The following DCLK1 variants were observed in gnomAD, a reference collection of about 807,000 sequenced individuals.
DCLK1 encodes the protein serine/threonine-protein kinase DCLK1.
In DCLK1, 16 loss-of-function variants were observed where a neutral mutation model predicts 86.2. That is an observed-to-expected ratio of 0.19 (90% CI 0.13 to 0.28). The LOEUF (loss-of-function observed/expected upper bound fraction) is 0.28, where lower values mean the gene tolerates loss of function less well. Among genes scored for constraint, DCLK1 ranks in the 10% least tolerant of loss-of-function variants. DCLK1 has a pLI of 1.00. For missense variants in DCLK1, 590 were observed against 940.2 expected (o/e 0.63, Z 4.87); for synonymous variants, 369 against 370.5 (o/e 1.00, Z 0.05).
intron 3 of DCLK1, among the ~76,000 whole-genome samples, chr13:36,092,995 G>C (rs1009000909): frequency 6.6e-6 from 1 of 152,102 alleles, no homozygotes; most frequent in Non-Finnish European, 1.5e-5. Flanking sequence ...GCTTTGGAGA[G>C]GAAAGTATTG....
At chr13:35,929,282 A>G (rs1251957129) in intron 4 of DCLK1, among the ~76,000 whole-genome samples, 1 of 152,232 alleles carries the variant, frequency 6.6e-6, no homozygotes, top group Admixed American at 6.5e-5. Context: ...TCAAGTGTGA[A>G]ACAAACAAAT....
At chr13:35,854,948 G>C (rs1870940515) in intron 5 of DCLK1, among the ~76,000 whole-genome samples, 1 of 152,178 alleles carries the variant, frequency 6.6e-6, no homozygotes, top group South Asian at 2.1e-4. Context: ...CTTCAGTTTA[G>C]CTACCTAGTA....
At chr13:35,982,585 C>T (rs1361706181) in intron 3 of DCLK1, among the ~76,000 whole-genome samples, 3 of 151,992 alleles carry the variant, frequency 2.0e-5, no homozygotes, top group Admixed American at 6.6e-5. Context: ...ACAATGTGAA[C>T]ATTAACAAAG....
chr13:36,084,881 T>C (rs558686005), intron 3 of DCLK1, among the ~76,000 whole-genome samples: 1 of 152,212 alleles, frequency 6.6e-6, no homozygotes. Context: ...AAAATTGTTA[T>C]ACCATTTTCA....
At chr13:36,062,757 G>A (rs1883600028) in intron 3 of DCLK1, among the ~76,000 whole-genome samples, 1 of 152,140 alleles carries the variant, frequency 6.6e-6, no homozygotes, top group African/African-American at 2.4e-5. Flanking sequence ...ACGGATAGGC[G>A]TCATTGTGGA....
At chr13:35,782,570 C>A (rs2086547887) in intron 16 of DCLK1, among the ~76,000 whole-genome samples, 1 of 152,160 alleles carries the variant, frequency 6.6e-6, no homozygotes, top group African/African-American at 2.4e-5. Context: ...TATTTTAGAG[C>A]ATCTCATATG....
At chr13:36,108,750 A>G (rs949983702) in intron 3 of DCLK1, among the ~76,000 whole-genome samples, 2 of 152,222 alleles carry the variant, frequency 1.3e-5, no homozygotes, top group Non-Finnish European at 2.9e-5. Flanking sequence ...TTTACTGGGC[A>G]CTGGAATTCC....
chr13:35,950,764 A>G (rs567333727), intron 3 of DCLK1, among the ~76,000 whole-genome samples: 1 of 152,158 alleles, frequency 6.6e-6, no homozygotes, highest in African/African-American at 2.4e-5. Flanking sequence ...GCACCTTTCC[A>G]AGCTTTTCTG....
intron 12 of DCLK1, among the ~76,000 whole-genome samples, chr13:35,809,555 G>A (rs536485361): frequency 6.6e-5 from 10 of 152,260 alleles, no homozygotes; most frequent in African/African-American, 2.4e-4. Flanking sequence ...ATTGCTTATT[G>A]TACAGAAGAG....
At chr13:36,025,558 G>T (rs935683987) in intron 3 of DCLK1, among the ~76,000 whole-genome samples, 1 of 152,166 alleles carries the variant, frequency 6.6e-6, no homozygotes, top group Non-Finnish European at 1.5e-5. Flanking sequence ...AAAAAGGAAT[G>T]AAGTACCACT....
chr13:35,967,965 G>T (rs1215007282), intron 3 of DCLK1, among the ~76,000 whole-genome samples: 1 of 151,954 alleles, frequency 6.6e-6, no homozygotes, highest in African/African-American at 2.4e-5. Flanking sequence ...AGGCTGCAGT[G>T]ACCAGGATCA....
intron 3 of DCLK1, among the ~76,000 whole-genome samples, chr13:35,994,270 T>A (rs946131268): frequency 2.0e-5 from 3 of 152,166 alleles, no homozygotes; most frequent in African/African-American, 7.2e-5. Flanking sequence ...CACTGATGGA[T>A]GTTTGTGGCA....
intron 16 of DCLK1, among the ~76,000 whole-genome samples, chr13:35,775,967 C>T (rs1157995685): frequency 6.6e-6 from 1 of 152,088 alleles, no homozygotes. Context: ...TAAATGGCTT[C>T]GTTAGGCTGA....
intron 6 of DCLK1, among the ~76,000 whole-genome samples, chr13:35,841,809 A>G (rs1869814517): frequency 6.6e-6 from 1 of 152,168 alleles, no homozygotes. Flanking sequence ...TTCCCAAAGA[A>G]GTAAGATAGT....
chr13:36,128,027 C>T (rs547659837), intron 1 of DCLK1, among the ~76,000 whole-genome samples: 2 of 152,194 alleles, frequency 1.3e-5, no homozygotes, highest in Non-Finnish European at 2.9e-5. Context: ...ATGGACATCA[C>T]CTTTCTGAAG....
At chr13:36,080,688 A>G (rs9575250) in intron 3 of DCLK1, among the ~76,000 whole-genome samples, 18,455 of 152,202 alleles carry the variant, frequency 0.12, 1,503 homozygotes, top group East Asian at 0.32. Flanking sequence ...ACCTAGGACA[A>G]TGATCTACAA....
At chr13:36,048,992 A>G (rs368525438) in intron 3 of DCLK1, among the ~76,000 whole-genome samples, 13 of 152,266 alleles carry the variant, frequency 8.5e-5, no homozygotes, top group Admixed American at 2.6e-4. Flanking sequence ...TTTCCTACCC[A>G]TGATGATTTA....
intron 4 of DCLK1, among the ~76,000 whole-genome samples, chr13:35,896,192 C>T (rs1253802089): frequency 6.6e-6 from 1 of 152,066 alleles, no homozygotes; most frequent in Non-Finnish European, 1.5e-5. Context: ...AGAGACTTTG[C>T]TTAGACTGTA....
chr13:35,943,947 T>C (rs1172045722), intron 4 of DCLK1, among the ~76,000 whole-genome samples: 2 of 152,246 alleles, frequency 1.3e-5, no homozygotes, highest in East Asian at 3.9e-4. Flanking sequence ...TCTCTATCTA[T>C]AGTGCACTAG....
Sources: allele counts gnomAD v4.1 joint callset (sites outside exome capture counted in the v4.1 genomes callset), GRCh38; gene constraint gnomAD v4.1.1; transcripts MANE v1.5; gene names NCBI Gene and HGNC (gene_info 2026-07-23, HGNC 2026-07-21).